Variants in TSEN15 observed in about 807,000 individuals in gnomAD.
The protein encoded by TSEN15 is tRNA-splicing endonuclease subunit Sen15.
Under a neutral mutation model 20.5 loss-of-function variants are expected in TSEN15, and 10 were observed. That is an observed-to-expected ratio of 0.49 (90% CI 0.30 to 0.83). The LOEUF (loss-of-function observed/expected upper bound fraction) is 0.83. TSEN15 is among the 40% of genes least tolerant of loss of function. The pLI is 0.06. For missense variants in TSEN15, 180 were observed against 218.6 expected, an observed-to-expected ratio of 0.82 and a Z score of 1.11; for synonymous variants, 72 against 80.1, an observed-to-expected ratio of 0.90 and a Z score of 0.54.
intron 3 of TSEN15, among the ~76,000 whole-genome samples, chr1:184,067,950 ATATATATATATATATATATATG>A (rs1213942863): frequency 5.2e-4 from 72 of 137,594 alleles, no homozygotes; most frequent in South Asian, 1.8e-3. Flanking sequence ...AAATATATAT[ATATATATATATATATATATATG>A]TACATATGTA....
chr1:184,094,595 G>C (rs1651416141), intron 3 of TSEN15: 1 of 154,722 alleles, frequency 6.5e-6, no homozygotes, highest in Non-Finnish European at 1.4e-5. Flanking sequence ...GATGTGAGCA[G>C]AGCATTGACA....
At chr1:184,075,734 T>C (rs915814696), downstream of TSEN15, among the ~76,000 whole-genome samples, 2 of 152,040 alleles carry the variant, frequency 1.3e-5, no homozygotes, top group Non-Finnish European at 2.9e-5. Context: ...AATAAAAATA[T>C]AAATAAGTTT....
chr1:184,078,706 G>A (rs1417207367), downstream of TSEN15, among the ~76,000 whole-genome samples: 4 of 152,118 alleles, frequency 2.6e-5, no homozygotes, highest in Middle Eastern at 3.2e-3. Flanking sequence ...TGAAGGAAGA[G>A]GTACTTTGGA....
chr1:184,060,447 A>G (rs1191755037), intron 3 of TSEN15, among the ~76,000 whole-genome samples: 1 of 152,248 alleles, frequency 6.6e-6, no homozygotes, highest in East Asian at 1.9e-4. Context: ...ATGTCTGTGG[A>G]GTCTTAGGTT....
chr1:184,078,884 G>C (rs556187062), downstream of TSEN15, among the ~76,000 whole-genome samples: 1 of 152,126 alleles, frequency 6.6e-6, no homozygotes, highest in East Asian at 1.9e-4. Flanking sequence ...GAGTATTTCT[G>C]TTCTGAATTC....
chr1:184,052,181 T>C (rs1393459399), intron 1 of TSEN15, among the ~76,000 whole-genome samples: 1 of 152,216 alleles, frequency 6.6e-6, no homozygotes, highest in Non-Finnish European at 1.5e-5. Flanking sequence ...CTAGTTTTGC[T>C]GTCTAGGTAA....
At chr1:184,079,276 C>T (rs1231652532) in intron 3 of TSEN15, among the ~76,000 whole-genome samples, 1 of 152,036 alleles carries the variant, frequency 6.6e-6, no homozygotes, top group Non-Finnish European at 1.5e-5. Context: ...AGAGATTGGC[C>T]TTTTAGGTTT....
intron 3 of TSEN15, among the ~76,000 whole-genome samples, chr1:184,066,257 CTT>C (rs564595361): frequency 5.0e-5 from 7 of 141,084 alleles, no homozygotes; most frequent in Non-Finnish European, 4.6e-5. Flanking sequence ...ATCAAATTGC[CTT>C]TTTTTTTTTG....
intron 3 of TSEN15, among the ~76,000 whole-genome samples, chr1:184,084,221 G>T (rs903591428): frequency 1.3e-5 from 2 of 151,954 alleles, no homozygotes; most frequent in Non-Finnish European, 2.9e-5. Flanking sequence ...CCTTCCCTTT[G>T]CAGCCTCCAA....
intron 3 of TSEN15, chr1:184,094,953 C>G (rs1341179941): frequency 2.5e-6 from 1 of 398,400 alleles, no homozygotes; most frequent in African/African-American, 2.1e-5. Context: ...AGTGTAGCAC[C>G]AAACACGGAC....
At chr1:184,089,335 C>T (rs779755307) in intron 3 of TSEN15, among the ~76,000 whole-genome samples, 4 of 152,034 alleles carry the variant, frequency 2.6e-5, no homozygotes, top group Non-Finnish European at 2.9e-5. Flanking sequence ...TGTTTTCTTA[C>T]TTGTTTGTTT....
chr1:184,094,068 T>A (rs1173714334), intron 3 of TSEN15: 1 of 152,174 alleles, frequency 6.6e-6, no homozygotes, highest in African/African-American at 2.4e-5. Flanking sequence ...ATCTATGATA[T>A]ACCCTCATAG....
At chr1:184,072,373 G>A (rs1275053735) in intron 4 of TSEN15, 75 bp downstream of exon 4, 1 of 1,369,574 alleles carries the variant, frequency 7.3e-7, no homozygotes, top group East Asian at 2.5e-5. Context: ...TGTGACTCAA[G>A]TCAGTCACAG....
chr1:184,067,942 ATAT>A (rs1356087203), intron 3 of TSEN15, among the ~76,000 whole-genome samples: 2,023 of 66,354 alleles, frequency 0.03, 53 homozygotes, highest in African/African-American at 0.044. Flanking sequence ...AAAAAAAAAA[ATAT>A]ATATATATAT....
intron 3 of TSEN15, among the ~76,000 whole-genome samples, chr1:184,056,584 CTAGTT>C (rs930444922): frequency 6.6e-6 from 1 of 151,982 alleles, no homozygotes; most frequent in Non-Finnish European, 1.5e-5. Flanking sequence ...GTCTTTGTGT[CTAGTT>C]TAAGAAATAT....
downstream of TSEN15, among the ~76,000 whole-genome samples, chr1:184,075,719 G>A (rs1651045948): frequency 6.6e-6 from 1 of 151,984 alleles, no homozygotes; most frequent in Non-Finnish European, 1.5e-5. Flanking sequence ...GTAGGAAATA[G>A]CATAAATAAA....
chr1:184,066,413 A>G (rs1650662718), intron 3 of TSEN15, among the ~76,000 whole-genome samples: 1 of 147,508 alleles, frequency 6.8e-6, no homozygotes. Context: ...TCTTTATGTG[A>G]TTTTTTTGAG....
intron 3 of TSEN15, among the ~76,000 whole-genome samples, chr1:184,068,772 T>C (rs1650781936): frequency 6.6e-6 from 1 of 152,228 alleles, no homozygotes; most frequent in Non-Finnish European, 1.5e-5. Context: ...AGTTGCATTA[T>C]GGCATGTCAT....
At chr1:184,066,929 C>T (rs1328447202) in intron 3 of TSEN15, among the ~76,000 whole-genome samples, 1 of 152,088 alleles carries the variant, frequency 6.6e-6, no homozygotes, top group Non-Finnish European at 1.5e-5. Flanking sequence ...TTTAGATCTC[C>T]TATGATTTCT....
Sources: allele counts gnomAD v4.1 joint callset (sites outside exome capture counted in the v4.1 genomes callset), GRCh38; gene constraint gnomAD v4.1.1; transcripts MANE v1.5; gene names NCBI Gene and HGNC (gene_info 2026-07-23, HGNC 2026-07-21).